The following BCAS3 variants were observed in gnomAD, a reference collection of about 807,000 sequenced individuals.
BCAS3 encodes the protein BCAS3 microtubule associated cell migration factor.
A neutral mutation model predicts 116.1 loss-of-function variants in BCAS3; 53 were observed. The observed-to-expected ratio is 0.46, with a 90% confidence interval of 0.37 to 0.57. BCAS3 has a LOEUF of 0.57. BCAS3 is among the 20% of genes least tolerant of loss of function. The pLI is 0.00. For missense variants in BCAS3, 917 were observed against 1,165.4 expected (o/e 0.79, Z 3.10); for synonymous variants, 391 against 408.2 (o/e 0.96, Z 0.51).
intron 5 of BCAS3, among the ~76,000 whole-genome samples, chr17:60,743,251 G>A (rs1399591163): frequency 2.0e-5 from 3 of 151,946 alleles, no homozygotes; most frequent in Non-Finnish European, 4.4e-5. Context: ...ATTCCCAAGG[G>A]TACATATTGT....
At chr17:60,838,357 A>G (rs1050661220) in intron 7 of BCAS3, among the ~76,000 whole-genome samples, 4 of 152,178 alleles carry the variant, frequency 2.6e-5, no homozygotes, top group Admixed American at 6.5e-5. Context: ...ATTCCAATAT[A>G]TATCATTGTA....
chr17:60,957,207 A>T (rs2061178095), intron 14 of BCAS3, among the ~76,000 whole-genome samples: 1 of 152,202 alleles, frequency 6.6e-6, no homozygotes, highest in Non-Finnish European at 1.5e-5. Context: ...TGCTTTTGAA[A>T]CAAAATCAGA....
At position 61,244,264 on chromosome 17, in the gene BCAS3, T is replaced by G. The variant is rs904163504; in HGVS notation, c.2426-124063T>G. Among the ~76,000 whole-genome samples the G allele has an allele frequency of 6.6e-6, 1 of 152,228 alleles. No individual in the cohort carries two copies. Among genetic ancestry groups the G allele is most frequent in the African/African-American group, 2.4e-5 (1 of 41,468 alleles). On this transcript the variant is annotated intron_variant, in intron 22 of 23. Transcript: ENST00000407086. The surrounding 1 kb of genome is among the most constrained non-coding windows in gnomAD (Gnocchi z 4.9). ...ATTAACATTATGGTATTTATTAAGA[T>G]TCTTCTATGCATTTGTATACACACA...
chr17:60,927,445 C>A (rs373227258), intron 13 of BCAS3, among the ~76,000 whole-genome samples: 1 of 151,906 alleles, frequency 6.6e-6, no homozygotes, highest in Non-Finnish European at 1.5e-5. Flanking sequence ...TTAGTAGAGA[C>A]GGGGTTTCAC....
In BCAS3 at chr17:61,118,618, C is replaced by G. The variant is rs545444417; in HGVS notation, c.2425+34054C>G. 1.3e-4 allele frequency among the ~76,000 whole-genome samples: 20 copies of G among 152,274 alleles called. No homozygotes were observed. The highest frequency in any genetic ancestry group is 4.3e-4 in the African/African-American group (18 of 41,556). ...TGGGCTCCCTACTTGGCCTTTCCCA[C>G]TGTGGGTGGTGGGGGTGCTGCAAGT... On this transcript the variant is annotated intron_variant, in intron 22 of 23. Transcript: ENST00000407086. The surrounding 1 kb of genome is among the most constrained non-coding windows in gnomAD (Gnocchi z 5.0).
intron 22 of BCAS3, among the ~76,000 whole-genome samples, chr17:61,114,278 A>T (rs2075283947): frequency 6.9e-6 from 1 of 145,942 alleles, no homozygotes; most frequent in South Asian, 2.4e-4. Flanking sequence ...GTATCCAATT[A>T]GGAAAAGAGG....
At chr17:61,232,733 A>G (rs1357263362) in intron 22 of BCAS3, among the ~76,000 whole-genome samples, 2 of 152,158 alleles carry the variant, frequency 1.3e-5, no homozygotes, top group Non-Finnish European at 2.9e-5. Flanking sequence ...CTCTCTTCTC[A>G]TTGCTCTTCG....
chr17:61,040,692 A>T, intron 18 of BCAS3, 100 bp from the exon 19 acceptor site: 1 of 930,320 alleles, frequency 1.1e-6, no homozygotes, highest in South Asian at 1.5e-5. Context: ...TCACAAAAGT[A>T]GTGTGAGTTT....
chr17:61,350,234 G>A (rs2057747939), intron 22 of BCAS3, among the ~76,000 whole-genome samples: 1 of 151,842 alleles, frequency 6.6e-6, no homozygotes, highest in Non-Finnish European at 1.5e-5. Flanking sequence ...GGCCAACATG[G>A]TGAAACCCCG....
chr17:61,338,293 C>T (rs780795397), intron 22 of BCAS3, among the ~76,000 whole-genome samples: 2 of 152,110 alleles, frequency 1.3e-5, no homozygotes, highest in Non-Finnish European at 2.9e-5. Context: ...TTTTGGCCAC[C>T]GCTCTCAAAT....
At chr17:60,940,172 A>T (rs1002557643) in intron 13 of BCAS3, among the ~76,000 whole-genome samples, 2 of 152,220 alleles carry the variant, frequency 1.3e-5, no homozygotes, top group Non-Finnish European at 2.9e-5. Context: ...AGATTTTTCC[A>T]CATGAAACAA....
At chr17:60,868,505 G>A in intron 7 of BCAS3, 71 bp from the exon 8 acceptor site, 2 of 825,612 alleles carry the variant, frequency 2.4e-6, no homozygotes, top group Non-Finnish European at 3.5e-6. Flanking sequence ...TTATGTTAAT[G>A]AGAAAGTATA....
chr17:60,772,362 A>G (rs2044798066), intron 6 of BCAS3, among the ~76,000 whole-genome samples: 1 of 151,834 alleles, frequency 6.6e-6, no homozygotes, highest in Admixed American at 6.6e-5. Flanking sequence ...TTCTTTTGAG[A>G]AGGGTCTGTT....
intron 22 of BCAS3, among the ~76,000 whole-genome samples, chr17:61,230,124 CAAA>C (rs767981716): frequency 7.5e-4 from 106 of 140,894 alleles, no homozygotes; most frequent in Non-Finnish European, 3.9e-4. Context: ...GACTCTGTCT[CAAA>C]AAAAAGTGTG....
intron 6 of BCAS3, among the ~76,000 whole-genome samples, chr17:60,755,816 A>C (rs1051712281): frequency 2.0e-5 from 3 of 152,158 alleles, no homozygotes; most frequent in Non-Finnish European, 2.9e-5. Flanking sequence ...TTAAAAATTG[A>C]TACAAATATT....
intron 14 of BCAS3, among the ~76,000 whole-genome samples, chr17:60,948,352 C>T (rs1267121476): frequency 2.6e-5 from 4 of 152,228 alleles, no homozygotes; most frequent in Non-Finnish European, 1.5e-5. Context: ...TCTCAAACTC[C>T]TGGCCTCGTG....
At chr17:60,697,594 A>AG (rs2035771826) in intron 4 of BCAS3, among the ~76,000 whole-genome samples, 1 of 151,598 alleles carries the variant, frequency 6.6e-6, no homozygotes, top group Admixed American at 6.6e-5. Context: ...AAAAAAAAAA[A>AG]AAAAAAAAAG....
intron 7 of BCAS3, chr17:60,810,206 AGTCTCTGG>A: frequency 2.3e-6 from 1 of 429,608 alleles, no homozygotes; most frequent in East Asian, 6.0e-5. Context: ...CCAAACTACC[AGTCTCTGG>A]GCTCTGTGCA....
In BCAS3 at chr17:61,078,410, C is replaced by G. The variant is rs1159800259; in HGVS notation, c.2208C>G (p.Pro736=). ...AGTTCCAGTTCAAAACCATCCATCC[C>G]TCAGGCCAAACCACAGTTATCTCAT... ...GPQFQFKTIH[P]SGQTTVISSS... is the part of the protein sequence containing the mutation. The change falls in exon 21 of 24, where the codon CCC becomes CCG. Residue 736 remains proline, a synonymous_variant. Transcript: ENST00000407086. The G allele has an allele frequency of 3.7e-6, 6 of 1,614,064 alleles. No homozygotes were observed. Among genetic ancestry groups the G allele is most frequent in the Non-Finnish European group, 5.1e-6 (6 of 1,180,038 alleles).
Sources: allele counts gnomAD v4.1 joint callset (sites outside exome capture counted in the v4.1 genomes callset), GRCh38; gene constraint gnomAD v4.1.1; non-coding constraint Gnocchi (gnomAD v3.1); transcripts MANE v1.5; gene names NCBI Gene and HGNC (gene_info 2026-07-23, HGNC 2026-07-21).